CTNNA3: variants seen among roughly 807,000 people sequenced by gnomAD.
CTNNA3 encodes catenin alpha-3.
In CTNNA3, 76 loss-of-function variants were observed where a neutral mutation model predicts 95.7. The observed-to-expected ratio is 0.79, with a 90% CI of 0.66 to 0.96. CTNNA3 has a LOEUF of 0.96. Ranked by LOEUF, CTNNA3 falls within the 40% of genes least tolerant of loss-of-function variation. CTNNA3 has a pLI of 0.00. For synonymous variants in CTNNA3, 431 were observed against 374.4 expected, an observed-to-expected ratio of 1.15 and a Z score of -1.74; for missense variants, 1,191 against 1,089.8, an observed-to-expected ratio of 1.09 and a Z score of -1.31.
At chr10:66,180,189 A>G (rs976016956) in intron 13 of CTNNA3, among the ~76,000 whole-genome samples, 4 of 152,178 alleles carry the variant, frequency 2.6e-5, no homozygotes, top group African/African-American at 9.7e-5. Context: ...AATTTCTGCA[A>G]AAGATCACTG....
intron 9 of CTNNA3, among the ~76,000 whole-genome samples, chr10:66,644,765 G>A (rs1217455290): frequency 1.3e-5 from 2 of 151,918 alleles, no homozygotes; most frequent in Non-Finnish European, 2.9e-5. Flanking sequence ...TGTGGTATGG[G>A]TGGGTGTGCA....
chr10:66,375,998 C>G (rs1014067600), intron 12 of CTNNA3, among the ~76,000 whole-genome samples: 1 of 152,146 alleles, frequency 6.6e-6, no homozygotes, highest in Non-Finnish European at 1.5e-5. Context: ...TGGTCAGATT[C>G]ATTTATGTAC....
At chr10:66,692,588 T>C (rs977793162) in intron 9 of CTNNA3, among the ~76,000 whole-genome samples, 11 of 152,050 alleles carry the variant, frequency 7.2e-5, no homozygotes, top group Admixed American at 6.5e-4. Flanking sequence ...CAGGCCAACA[T>C]TCAGATTCAG....
intron 2 of CTNNA3, among the ~76,000 whole-genome samples, chr10:67,607,384 G>A (rs1183230105): frequency 6.6e-6 from 1 of 152,142 alleles, no homozygotes; most frequent in African/African-American, 2.4e-5. Context: ...TCATAAGGCA[G>A]AGAAAACATA....
intron 13 of CTNNA3, among the ~76,000 whole-genome samples, chr10:66,253,957 A>C (rs755626371): frequency 5.9e-5 from 9 of 152,186 alleles, no homozygotes; most frequent in Non-Finnish European, 1.3e-4. Context: ...TCAAATGATG[A>C]TAGTCTGTGG....
chr10:66,190,733 T>A (rs1213280347), intron 13 of CTNNA3, among the ~76,000 whole-genome samples: 1 of 152,094 alleles, frequency 6.6e-6, no homozygotes, highest in Non-Finnish European at 1.5e-5. Flanking sequence ...TACACAGGAT[T>A]TGATTCTGAG....
At chr10:67,395,357 T>A (rs1437821110) in intron 5 of CTNNA3, among the ~76,000 whole-genome samples, 1 of 152,154 alleles carries the variant, frequency 6.6e-6, no homozygotes, top group Non-Finnish European at 1.5e-5. Context: ...GAAGGAGCCA[T>A]TTATAATCAT....
At chr10:66,898,762 A>G (rs1845604112) in intron 7 of CTNNA3, among the ~76,000 whole-genome samples, 3 of 152,128 alleles carry the variant, frequency 2.0e-5, no homozygotes, top group Admixed American at 2.0e-4. Context: ...CTAGAAGAAA[A>G]TATAATGGGA....
intron 6 of CTNNA3, among the ~76,000 whole-genome samples, chr10:67,189,728 A>C (rs983154567): frequency 2.6e-5 from 4 of 152,140 alleles, no homozygotes; most frequent in African/African-American, 9.7e-5. Context: ...AGAAAGACTG[A>C]AACTTGAAAA....
chr10:67,402,127 A>G (rs558492951), intron 5 of CTNNA3, among the ~76,000 whole-genome samples: 1 of 152,328 alleles, frequency 6.6e-6, no homozygotes, highest in Non-Finnish European at 1.5e-5. Context: ...AATTCAAAAT[A>G]TGGATGGCAA....
chr10:67,708,547 C>T (rs986344188), intron 1 of CTNNA3, among the ~76,000 whole-genome samples: 8 of 152,102 alleles, frequency 5.3e-5, no homozygotes, highest in African/African-American at 1.4e-4. Context: ...CTTTATTATA[C>T]CACTTCTGAA....
chr10:66,426,221 A>T (rs1349475464), intron 11 of CTNNA3, among the ~76,000 whole-genome samples: 2 of 151,970 alleles, frequency 1.3e-5, no homozygotes, highest in African/African-American at 2.4e-5. Context: ...TTTGGTGCAC[A>T]TATATGCTTT....
intron 13 of CTNNA3, among the ~76,000 whole-genome samples, chr10:66,138,127 T>C (rs780596452): frequency 5.5e-4 from 83 of 152,068 alleles, no homozygotes; most frequent in Non-Finnish European, 1.0e-3. Flanking sequence ...ATGAAAGAAA[T>C]AATAATAAAC....
At chr10:66,582,644 G>A (rs1843227147) in intron 10 of CTNNA3, among the ~76,000 whole-genome samples, 1 of 151,694 alleles carries the variant, frequency 6.6e-6, no homozygotes, top group Non-Finnish European at 1.5e-5. Context: ...TCTCTTGTCT[G>A]ATTGCTCTGG....
intron 13 of CTNNA3, among the ~76,000 whole-genome samples, chr10:66,108,492 G>A (rs2081993230): frequency 6.6e-6 from 1 of 152,038 alleles, no homozygotes; most frequent in South Asian, 2.1e-4. Flanking sequence ...CCCCTGGCCA[G>A]TCTAACTAAA....
At chr10:67,206,258 G>C (rs1039619841) in intron 6 of CTNNA3, among the ~76,000 whole-genome samples, 2 of 152,048 alleles carry the variant, frequency 1.3e-5, no homozygotes, top group Admixed American at 6.5e-5. Context: ...GTATCTAATG[G>C]GTTGTGTCTC....
chr10:66,267,548 A>G (rs756112401), intron 13 of CTNNA3, among the ~76,000 whole-genome samples: 2 of 152,276 alleles, frequency 1.3e-5, no homozygotes, highest in Non-Finnish European at 2.9e-5. Flanking sequence ...GAGAATGCCA[A>G]TTACTTGATA....
At chr10:66,567,954 C>T (rs1279954179) in intron 10 of CTNNA3, among the ~76,000 whole-genome samples, 1 of 152,164 alleles carries the variant, frequency 6.6e-6, no homozygotes, top group East Asian at 1.9e-4. Context: ...GTTGCAGAGC[C>T]ATCCATTGGA....
At chr10:67,068,689 A>C (rs1045443296) in intron 7 of CTNNA3, among the ~76,000 whole-genome samples, 2 of 152,268 alleles carry the variant, frequency 1.3e-5, no homozygotes, top group African/African-American at 4.8e-5. Context: ...TATCAACAGC[A>C]AATGACCCAA....
Sources: allele counts gnomAD v4.1 joint callset (sites outside exome capture counted in the v4.1 genomes callset), GRCh38; gene constraint gnomAD v4.1.1; transcripts MANE v1.5; gene names NCBI Gene and HGNC (gene_info 2026-07-23, HGNC 2026-07-21).